The following PRKAR1B variants were observed in gnomAD, a reference collection of about 807,000 sequenced individuals.
The protein encoded by PRKAR1B is protein kinase cAMP-dependent type I regulatory subunit beta.
A neutral mutation model predicts 46.5 loss-of-function variants in PRKAR1B; 22 were observed. The observed-to-expected ratio is 0.47, with a 90% confidence interval of 0.34 to 0.68. The LOEUF is 0.68. Among genes scored for constraint, PRKAR1B ranks in the 30% least tolerant of loss-of-function variants. The pLI is 0.01. For missense variants in PRKAR1B, 445 were observed against 535.6 expected (o/e 0.83, Z 1.67); for synonymous variants, 259 against 217.7 (o/e 1.19, Z -1.67).
intron 2 of PRKAR1B, among the ~76,000 whole-genome samples, chr7:700,143 G>C (rs558311665): frequency 6.6e-6 from 1 of 152,124 alleles, no homozygotes; most frequent in Non-Finnish European, 1.5e-5. Flanking sequence ...CCCAAGTTTC[G>C]TATGCACAGA....
At chr7:679,929 C>T (rs1277901734) in intron 3 of PRKAR1B, among the ~76,000 whole-genome samples, 7 of 152,042 alleles carry the variant, frequency 4.6e-5, no homozygotes, top group African/African-American at 9.7e-5. Context: ...GAGGCCAAGA[C>T]GGGCATATCA....
At chr7:690,407 C>T (rs1000187741) in intron 2 of PRKAR1B, among the ~76,000 whole-genome samples, 6 of 151,862 alleles carry the variant, frequency 4.0e-5, no homozygotes, top group Non-Finnish European at 7.4e-5. Flanking sequence ...CTCAGCATCA[C>T]GCCGCATCCC....
chr7:583,464 CGT>C (rs1780355296), intron 8 of PRKAR1B, among the ~76,000 whole-genome samples: 1 of 148,594 alleles, frequency 6.7e-6, no homozygotes, highest in East Asian at 2.0e-4. Flanking sequence ...CACTCACACA[CGT>C]GCACTCACAC....
At chr7:586,487 A>T (rs1483008521) in intron 7 of PRKAR1B, among the ~76,000 whole-genome samples, 1 of 152,228 alleles carries the variant, frequency 6.6e-6, no homozygotes, top group Non-Finnish European at 1.5e-5. Context: ...GAGGAGGAGC[A>T]GCACCTTCCT....
chr7:685,329 T>TG lies in PRKAR1B; in HGVS notation c.178-4604_178-4603insC, dbSNP rs1779003910. On this transcript the variant is annotated intron_variant, in intron 2 of 10. Transcript: ENST00000537384. ...ATACGTATATATACGTATATATACG[T>TG]ATATATACGTATATATATGTATACA... 6.2e-5 allele frequency among the ~76,000 whole-genome samples: 5 copies of TG among 81,108 alleles called. No individual in the cohort carries two copies. The Admixed American group carries it at 6.5e-4, about 10-fold the overall frequency. The allele number at this position is 81,108 out of a possible 152,430, so 53.2% of individuals were successfully genotyped here.
intron 2 of PRKAR1B, among the ~76,000 whole-genome samples, chr7:690,907 T>G (rs891374215): frequency 4.5e-4 from 68 of 152,164 alleles, no homozygotes; most frequent in Non-Finnish European, 7.9e-4. Context: ...GCGGCTGGTG[T>G]CTCCACTGCC....
At chr7:725,335 A>T (rs1781220544) in intron 1 of PRKAR1B, among the ~76,000 whole-genome samples, 1 of 152,212 alleles carries the variant, frequency 6.6e-6, no homozygotes, top group African/African-American at 2.4e-5. Context: ...GCCTTTAGAA[A>T]ACTCAGTGCA....
chr7:660,393 C>A (rs1478943891), intron 4 of PRKAR1B, among the ~76,000 whole-genome samples: 4 of 150,322 alleles, frequency 2.7e-5, no homozygotes, highest in African/African-American at 7.3e-5. Context: ...CAGGTCCCCA[C>A]CCCAACAGAT....
At chr7:691,095 G>A (rs900214361) in intron 2 of PRKAR1B, among the ~76,000 whole-genome samples, 10 of 140,456 alleles carry the variant, frequency 7.1e-5, no homozygotes, top group Admixed American at 1.4e-4. Context: ...AATCCTACCC[G>A]AAGGGTCCCA....
intron 8 of PRKAR1B, among the ~76,000 whole-genome samples, chr7:579,695 G>A (rs1423372344): frequency 6.6e-6 from 1 of 152,232 alleles, no homozygotes; most frequent in Non-Finnish European, 1.5e-5. Flanking sequence ...CTGACTCCAG[G>A]TTAACTCAGT....
chr7:717,673 C>T (rs978171425), intron 1 of PRKAR1B, among the ~76,000 whole-genome samples: 2 of 152,140 alleles, frequency 1.3e-5, no homozygotes, highest in African/African-American at 4.8e-5. Flanking sequence ...CACACACCCA[C>T]ACACACAATG....
chr7:681,514 C>T (rs1287766389), intron 2 of PRKAR1B, among the ~76,000 whole-genome samples: 2 of 152,062 alleles, frequency 1.3e-5, no homozygotes, highest in African/African-American at 2.4e-5. Context: ...CTTTAATTTG[C>T]TTTTTAAAGT....
chr7:706,585 A>ATTTT (rs754034242), intron 2 of PRKAR1B, among the ~76,000 whole-genome samples: 6 of 113,728 alleles, frequency 5.3e-5, no homozygotes, highest in Admixed American at 9.3e-5. Context: ...TGCCCAGCTA[A>ATTTT]TTTTTTTTTT....
chr7:707,817 C>T (rs1460379942), intron 2 of PRKAR1B, among the ~76,000 whole-genome samples: 1 of 152,022 alleles, frequency 6.6e-6, no homozygotes, highest in African/African-American at 2.4e-5. Context: ...AGACACAGAA[C>T]CTTCTCCCAC....
At position 716,672 on chromosome 7, in the gene PRKAR1B, A is replaced by G. The variant is rs552926543; in HGVS notation, c.-22-5145T>C. On this transcript the variant is annotated intron_variant, in intron 1 of 10. Coordinates refer to ENST00000537384, the MANE Select transcript of PRKAR1B (RefSeq NM_001164760.2). ...GCATGGCGAAGAGACCAACACAGCTATTTTCTGGGGTGCAGAAAGGAAACA... is the reference window on the plus strand; with the variant it reads ...GCATGGCGAAGAGACCAACACAGCTGTTTTCTGGGGTGCAGAAAGGAAACA... The G allele has an allele frequency of 2.0e-5, 3 of 152,240 alleles. No homozygotes were observed. The East Asian group carries it at 5.8e-4, about 29-fold the overall frequency. The allele number at this position is 152,240 out of a possible 1,614,324, so 9.4% of individuals were successfully genotyped here.
Position 550,469 on chromosome 7 carries a change from G to A in PRKAR1B, c.1107C>T (p.Asn369=). ...LGPCSEILKR[N]IQRYNSFISL... Reference sequence around the variant, plus strand: ...AGATGAAGCTGTTGTAACGCTGAATGTTCCTCTTGAGGATCTCAGAGCAGG... The same window carrying A: ...AGATGAAGCTGTTGTAACGCTGAATATTCCTCTTGAGGATCTCAGAGCAGG... The change falls in exon 11 of 11, where the codon AAC becomes AAT. Residue 369 remains asparagine, a synonymous_variant. Transcript: ENST00000537384. 6.3e-7 allele frequency: 1 copy of A among 1,597,394 alleles called. No homozygotes were observed. The highest frequency in any genetic ancestry group is 1.1e-5 in the South Asian group (1 of 88,174).
At chr7:692,211 C>T (rs1388171157) in intron 2 of PRKAR1B, among the ~76,000 whole-genome samples, 1 of 152,216 alleles carries the variant, frequency 6.6e-6, no homozygotes, top group Non-Finnish European at 1.5e-5. Flanking sequence ...ACCAGCCTGA[C>T]CAACATGGTG....
intron 1 of PRKAR1B, chr7:712,413 C>CCT (rs1780699223): frequency 6.7e-6 from 1 of 149,510 alleles, no homozygotes; most frequent in Admixed American, 6.6e-5. Flanking sequence ...GCCCCGCGTA[C>CCT]CTGGATGCGC....
chr7:570,377 G>A (rs113183275), intron 9 of PRKAR1B, among the ~76,000 whole-genome samples: 5 of 152,304 alleles, frequency 3.3e-5, no homozygotes, highest in African/African-American at 1.2e-4. Context: ...AGGAGCTCGG[G>A]GGGCCTGGGA....
Sources: allele counts gnomAD v4.1 joint callset (sites outside exome capture counted in the v4.1 genomes callset), GRCh38; gene constraint gnomAD v4.1.1; transcripts MANE v1.5; gene names NCBI Gene and HGNC (gene_info 2026-07-23, HGNC 2026-07-21).